ARHGAP23: variants seen among roughly 807,000 people sequenced by gnomAD.
ARHGAP23 encodes the protein rho GTPase-activating protein 23.
In ARHGAP23, 34 loss-of-function variants were observed where a neutral mutation model predicts 136.3. The observed-to-expected ratio is 0.25, with a 90% CI of 0.19 to 0.33. The LOEUF (loss-of-function observed/expected upper bound fraction) is 0.33, where lower values mean the gene tolerates loss of function less well. ARHGAP23 is among the 10% of genes least tolerant of loss of function. The probability of loss-of-function intolerance (pLI) is 1.00; values close to 1 mark genes in which losing one functional copy is unlikely to be tolerated. For missense variants in ARHGAP23, 1,808 were observed against 2,139.0 expected (o/e 0.85, Z 3.05); for synonymous variants, 832 against 920.5 (o/e 0.90, Z 1.74).
At chr17:38,491,599 C>T (rs542703038) in intron 20 of ARHGAP23, 67 bp downstream of exon 20, 137 of 1,541,246 alleles carry the variant, frequency 8.9e-5, no homozygotes, top group Middle Eastern at 4.6e-4. Context: ...CTGAGCCCCT[C>T]GCTCTTGCTC....
At chr17:38,507,494 G>A (rs2040660902) in intron 23 of ARHGAP23, among the ~76,000 whole-genome samples, 1 of 152,092 alleles carries the variant, frequency 6.6e-6, no homozygotes, top group Non-Finnish European at 1.5e-5. Flanking sequence ...CTTTCCTGCA[G>A]TATATCCTGG....
At chr17:38,429,483 G>A (rs1207568539) in intron 1 of ARHGAP23, among the ~76,000 whole-genome samples, 1 of 152,238 alleles carries the variant, frequency 6.6e-6, no homozygotes, top group Admixed American at 6.5e-5. Flanking sequence ...CAAGGCCAGG[G>A]CTGAGGCCTG....
At position 38,510,026 on chromosome 17, in the gene ARHGAP23, A is replaced by G; in HGVS notation, c.3530A>G (p.Lys1177Arg). The change falls in exon 24 of 24, where the codon AAG becomes AGG. Residue 1177 changes from lysine (K) to arginine (R), a missense_variant. Around this residue, in one of 7 missense-constraint regions of ARHGAP23, gnomAD observed 104 missense variants for 131.8 expected, o/e 0.79. Transcript: ENST00000622683. This position sits in a 1 kb window ranked among gnomAD's most constrained non-coding sequence, Gnocchi z 4.6. ...SFISAVNRKR[K>R]KRREARGLGS... ...ATCTCGGCCGTCAACCGCAAGCGCA[A>G]GAAGCGGCGGGAGGCGCGGGGGCTG... is the stretch of plus-strand genomic sequence containing the variant. 3.2e-6 allele frequency: 4 copies of G among 1,246,578 alleles called. No individual in the cohort carries two copies. The highest frequency in any genetic ancestry group is 4.0e-6 in the Non-Finnish European group (4 of 994,862). 77.2% of individuals were successfully genotyped at this position (1,246,578 alleles called of 1,614,324 possible). A position where few individuals can be genotyped will look rare whatever the true frequency, so the allele number is the denominator to read the frequency against.
chr17:38,502,525 C>G (rs2040544501), intron 23 of ARHGAP23, among the ~76,000 whole-genome samples: 1 of 152,166 alleles, frequency 6.6e-6, no homozygotes. Flanking sequence ...CCTGCCCTCA[C>G]AAAGCTTATC....
intron 16 of ARHGAP23, among the ~76,000 whole-genome samples, chr17:38,483,253 G>A (rs746173435): frequency 1.4e-4 from 22 of 152,246 alleles, no homozygotes; most frequent in East Asian, 3.9e-4. Context: ...ACAAACCGCC[G>A]GCTTAGAAAA....
intron 1 of ARHGAP23, among the ~76,000 whole-genome samples, chr17:38,438,978 C>T (rs532570771): frequency 6.6e-6 from 1 of 151,704 alleles, no homozygotes; most frequent in Admixed American, 6.6e-5. Context: ...GAGCGAAACT[C>T]CATCTCAAAA....
chr17:38,465,511 G>A (rs898843487), intron 6 of ARHGAP23, among the ~76,000 whole-genome samples: 6 of 152,204 alleles, frequency 3.9e-5, no homozygotes, highest in Non-Finnish European at 4.4e-5. Context: ...TTTTTGGCTG[G>A]GCCTGGGCGC....
In ARHGAP23 at chr17:38,498,484, C is replaced by T; in HGVS notation, c.3389C>T (p.Thr1130Ile). 2 of 1,548,352 alleles carry T rather than the reference C, an allele frequency of 1.3e-6. No individual in the cohort carries two copies. Among genetic ancestry groups the T allele is most frequent in the African/African-American group, 1.4e-5 (1 of 73,060 alleles). ...IEYLLPNIGR[T>I]VPPGDPGSDS... is the part of the protein sequence containing the mutation. ...TACCTCCTGCCCAACATTGGCAGGA[C>T]AGTGCCCCCTGGCGACCCGGGGTCA... The change falls in exon 22 of 24, where the codon ACA (threonine) becomes ATA (isoleucine). Residue 1130 changes from threonine to isoleucine, a missense_variant. Thr to Ile is a moderately conservative substitution (Grantham distance 89). Coordinates refer to ENST00000622683, the MANE Select transcript of ARHGAP23 (RefSeq NM_001199417.2).
Position 38,466,854 on chromosome 17 carries a change from G to C in ARHGAP23, c.1171G>C (p.Ala391Pro). The C allele has an allele frequency of 1.3e-6, 2 of 1,549,060 alleles. No homozygotes were observed. Among genetic ancestry groups the C allele is most frequent in the Non-Finnish European group, 1.7e-6 (2 of 1,146,674 alleles). The change falls in exon 7 of 24, where the codon GCC (alanine) becomes CCC (proline). Residue 391 changes from alanine (A) to proline (P), a missense_variant. Physicochemically the swap from Ala to Pro is conservative, Grantham distance 27. Around this residue, in one of 7 missense-constraint regions of ARHGAP23, gnomAD observed 859 missense variants for 936.4 expected, o/e 0.92. Transcript: ENST00000622683. Reference protein sequence around the residue: ...ASQRSSARTPACPTRDLPGPQ... With the variant: ...ASQRSSARTPPCPTRDLPGPQ... ...CCAGCGTTCGTCTGCCCGCACCCCC[G>C]CCTGCCCAACTCGGGACCTGCCAGG... is the stretch of plus-strand genomic sequence containing the variant.
At chr17:38,492,956 G>C (rs957152728) in intron 20 of ARHGAP23, among the ~76,000 whole-genome samples, 3 of 152,196 alleles carry the variant, frequency 2.0e-5, no homozygotes, top group Non-Finnish European at 4.4e-5. Flanking sequence ...GAAGCCCAAG[G>C]TCTGAGGTCA....
intron 1 of ARHGAP23, chr17:38,457,864 A>G (rs1234918014): frequency 3.4e-6 from 2 of 587,580 alleles, no homozygotes; most frequent in South Asian, 2.1e-5. Context: ...TCCCAAGGGC[A>G]AAGACATTAT....
chr17:38,440,435 T>C (rs2038895570), intron 1 of ARHGAP23, among the ~76,000 whole-genome samples: 1 of 152,256 alleles, frequency 6.6e-6, no homozygotes, highest in Non-Finnish European at 1.5e-5. Flanking sequence ...ATCCTCAGAC[T>C]ACGGGACTGA....
chr17:38,456,864 G>A (rs2039337244), intron 1 of ARHGAP23, among the ~76,000 whole-genome samples: 2 of 151,880 alleles, frequency 1.3e-5, no homozygotes, highest in Admixed American at 1.3e-4. Flanking sequence ...GGAGAATCCT[G>A]AGAATTTTGG....
chr17:38,464,974 C>CCGCCAG (rs1041226108), intron 6 of ARHGAP23, among the ~76,000 whole-genome samples: 1 of 152,178 alleles, frequency 6.6e-6, no homozygotes, highest in African/African-American at 2.4e-5. Flanking sequence ...CCTCCTCCTC[C>CCGCCAG]CGCCAGCCAG....
intron 1 of ARHGAP23, among the ~76,000 whole-genome samples, chr17:38,431,880 GC>G (rs2038693676): frequency 6.6e-6 from 1 of 152,148 alleles, no homozygotes; most frequent in Non-Finnish European, 1.5e-5. Context: ...GTCCTTCGTG[GC>G]CCCCCTCAGT....
At chr17:38,453,418 CGTGCGTGTGTGT>C (rs1183838423) in intron 1 of ARHGAP23, among the ~76,000 whole-genome samples, 155 of 100,952 alleles carry the variant, frequency 1.5e-3, no homozygotes, top group African/African-American at 3.7e-3. Context: ...CGCGCGTATG[CGTGCGTGTGTGT>C]GTGTGTGTGT....
chr17:38,464,968 C>T (rs1276449391), intron 6 of ARHGAP23, among the ~76,000 whole-genome samples: 7 of 152,176 alleles, frequency 4.6e-5, no homozygotes, highest in Non-Finnish European at 1.0e-4. Flanking sequence ...CTCCTCCCTC[C>T]TCCTCCCGCC....
At chr17:38,438,402 G>A (rs62073420) in intron 1 of ARHGAP23, among the ~76,000 whole-genome samples, 40,309 of 151,708 alleles carry the variant, frequency 0.27, 5,447 homozygotes, top group East Asian at 0.44. Flanking sequence ...GCCAGGCAGA[G>A]GGACCAAGCA....
intron 10 of ARHGAP23, among the ~76,000 whole-genome samples, chr17:38,471,290 G>C (rs542348881): frequency 2.0e-5 from 3 of 152,342 alleles, no homozygotes; most frequent in Admixed American, 2.0e-4. Context: ...AGATGGACTG[G>C]AAAAGCCATC....
Sources: gnomAD v4.1 joint callset for allele counts (sites outside exome capture counted in the v4.1 genomes callset) on GRCh38, gnomAD v4.1.1 for gene constraint, gnomAD v4.1.1 regional missense constraint, Gnocchi (gnomAD v3.1) non-coding constraint, MANE v1.5 for transcripts, NCBI Gene and HGNC (gene_info 2026-07-23, HGNC 2026-07-21) for gene names.